The following GRID1 variants were observed in gnomAD, a reference collection of about 807,000 sequenced individuals.
GRID1 encodes the protein glutamate ionotropic receptor delta type subunit 1, also known as glutamate receptor ionotropic, delta-1.
A neutral mutation model predicts 98.0 loss-of-function variants in GRID1; 28 were observed. The observed-to-expected ratio is 0.29, with a 90% CI of 0.21 to 0.39. The LOEUF (loss-of-function observed/expected upper bound fraction) is 0.39, where lower values mean the gene tolerates loss of function less well. Ranked by LOEUF, GRID1 falls within the 10% of genes least tolerant of loss-of-function variation. GRID1 has a pLI of 1.00. For missense variants in GRID1, 1,111 were observed against 1,340.5 expected (o/e 0.83, Z 2.67); for synonymous variants, 553 against 538.5 (o/e 1.03, Z -0.37).
intron 12 of GRID1, among the ~76,000 whole-genome samples, chr10:85,693,929 G>T (rs1841360824): frequency 2.0e-5 from 3 of 152,098 alleles, no homozygotes. Flanking sequence ...GTAGACAAAT[G>T]GGAATTAACT....
chr10:85,705,817 A>C (rs765247126), intron 12 of GRID1, among the ~76,000 whole-genome samples: 43 of 152,178 alleles, frequency 2.8e-4, no homozygotes, highest in Non-Finnish European at 5.1e-4. Flanking sequence ...ATATGCAAAT[A>C]AATAAATGTA....
At chr10:86,108,364 A>G (rs1844425459) in intron 4 of GRID1, among the ~76,000 whole-genome samples, 1 of 152,222 alleles carries the variant, frequency 6.6e-6, no homozygotes, top group Admixed American at 6.5e-5. Context: ...CGACAAGATA[A>G]ACAAAAAAAG....
At chr10:86,232,226 T>C (rs1009150369) in intron 2 of GRID1, among the ~76,000 whole-genome samples, 1 of 152,034 alleles carries the variant, frequency 6.6e-6, no homozygotes, top group African/African-American at 2.4e-5. Flanking sequence ...AACGCAGCCG[T>C]TGTATTAGGG....
chr10:86,070,328 G>T (rs1329213858), intron 4 of GRID1, among the ~76,000 whole-genome samples: 2 of 152,184 alleles, frequency 1.3e-5, no homozygotes, highest in Admixed American at 6.5e-5. Flanking sequence ...TGGGAGCAGG[G>T]TCAGACTGTG....
intron 8 of GRID1, among the ~76,000 whole-genome samples, chr10:85,779,171 A>T (rs184956131): frequency 6.6e-6 from 1 of 152,326 alleles, no homozygotes; most frequent in African/African-American, 2.4e-5. Context: ...AAGGAAGGAA[A>T]ATGTAGCTCG....
intron 4 of GRID1, among the ~76,000 whole-genome samples, chr10:86,078,628 T>G (rs1183214448): frequency 6.6e-6 from 1 of 152,252 alleles, no homozygotes; most frequent in African/African-American, 2.4e-5. Context: ...AGATTGATAA[T>G]GGGAACACAC....
intron 8 of GRID1, among the ~76,000 whole-genome samples, chr10:85,852,155 G>T (rs1843064587): frequency 6.6e-6 from 1 of 152,182 alleles, no homozygotes; most frequent in Admixed American, 6.5e-5. Context: ...CCCCTTAGCA[G>T]CGATAAGCTG....
chr10:85,824,243 C>T (rs1208029880), intron 8 of GRID1, among the ~76,000 whole-genome samples: 4 of 152,218 alleles, frequency 2.6e-5, no homozygotes, highest in South Asian at 4.1e-4. Flanking sequence ...CGCAAGAGTA[C>T]GATCCGGCGA....
intron 3 of GRID1, among the ~76,000 whole-genome samples, chr10:86,181,280 A>G (rs548502753): frequency 4.6e-5 from 7 of 152,334 alleles, no homozygotes; most frequent in Admixed American, 3.3e-4. Flanking sequence ...GCAGGGCTGC[A>G]TGGTCTCCCA....
At chr10:86,281,860 A>T (rs1243337686) in intron 2 of GRID1, among the ~76,000 whole-genome samples, 1 of 151,670 alleles carries the variant, frequency 6.6e-6, no homozygotes, top group Non-Finnish European at 1.5e-5. Context: ...CCTGGGAAGG[A>T]CTCCTTCCTC....
At chr10:86,255,671 C>T (rs1470348202) in intron 2 of GRID1, among the ~76,000 whole-genome samples, 1 of 152,202 alleles carries the variant, frequency 6.6e-6, no homozygotes, top group Non-Finnish European at 1.5e-5. Context: ...GTGCACTGCC[C>T]CCTGGGGACC....
chr10:85,742,015 A>G (rs1841948845), intron 8 of GRID1, among the ~76,000 whole-genome samples: 1 of 152,134 alleles, frequency 6.6e-6, no homozygotes. Flanking sequence ...CTCAGGTTCA[A>G]TCTTCCTAAG....
At chr10:85,821,701 T>C (rs1352109590) in intron 8 of GRID1, among the ~76,000 whole-genome samples, 1 of 151,932 alleles carries the variant, frequency 6.6e-6, no homozygotes, top group Non-Finnish European at 1.5e-5. Context: ...TATGTGTATA[T>C]ATCCTGAAAA....
At chr10:85,725,959 G>C (rs2132654130) in intron 10 of GRID1, among the ~76,000 whole-genome samples, 1 of 152,292 alleles carries the variant, frequency 6.6e-6, no homozygotes, top group South Asian at 2.1e-4. Flanking sequence ...ATATTTAAGG[G>C]CTTAAAAAGA....
chr10:86,341,292 A>T (rs1291495989), intron 2 of GRID1, among the ~76,000 whole-genome samples: 1 of 152,140 alleles, frequency 6.6e-6, no homozygotes, highest in Non-Finnish European at 1.5e-5. Context: ...CCTACCACCG[A>T]CAGGGAGCTC....
At chr10:86,089,660 T>C (rs112626860) in intron 4 of GRID1, among the ~76,000 whole-genome samples, 299 of 152,076 alleles carry the variant, frequency 2.0e-3, no homozygotes, top group African/African-American at 6.8e-3. Context: ...AATGCTTCCA[T>C]GGGCAATTGC....
At chr10:86,315,591 C>A (rs537411247) in intron 2 of GRID1, among the ~76,000 whole-genome samples, 62 of 152,120 alleles carry the variant, frequency 4.1e-4, no homozygotes, top group Admixed American at 1.6e-3. Flanking sequence ...CTGCTTCCTG[C>A]CCCACAATGC....
At chr10:86,300,014 G>A (rs890156207) in intron 2 of GRID1, among the ~76,000 whole-genome samples, 2 of 152,166 alleles carry the variant, frequency 1.3e-5, no homozygotes, top group African/African-American at 2.4e-5. Context: ...TAGTGTGTTT[G>A]CAGATGTCAT....
At chr10:86,323,547 A>G (rs980351064) in intron 2 of GRID1, among the ~76,000 whole-genome samples, 6 of 152,220 alleles carry the variant, frequency 3.9e-5, no homozygotes, top group Non-Finnish European at 5.9e-5. Flanking sequence ...CACCACCACA[A>G]ACCCTCTTGG....
Sources: allele counts gnomAD v4.1 joint callset (sites outside exome capture counted in the v4.1 genomes callset), GRCh38; gene constraint gnomAD v4.1.1; transcripts MANE v1.5; gene names NCBI Gene and HGNC (gene_info 2026-07-23, HGNC 2026-07-21).